The following PARD6G variants were observed in gnomAD, a reference collection of about 807,000 sequenced individuals.
The protein encoded by PARD6G is par-6 family cell polarity regulator gamma.
Under a neutral mutation model 10.7 loss-of-function variants are expected in PARD6G, and 7 were observed. The ratio of observed to expected loss-of-function variants is 0.66; its 90% CI spans 0.37 to 1.23. The LOEUF (loss-of-function observed/expected upper bound fraction) is 1.23. PARD6G is among the 50% of genes most tolerant of loss of function. PARD6G has a pLI of 0.02. For synonymous variants in PARD6G, 287 were observed against 269.4 expected (o/e 1.07, Z -0.64); for missense variants, 548 against 571.8 (o/e 0.96, Z 0.42).
At chr18:80,236,812 AAGG>A (rs1967428865) in intron 1 of PARD6G, among the ~76,000 whole-genome samples, 1 of 152,198 alleles carries the variant, frequency 6.6e-6, no homozygotes, top group South Asian at 2.1e-4. Context: ...GAACTTTTTC[AAGG>A]AGAACTACAA....
rs778855852 is a variant in PARD6G, at chr18:80,160,545, G to A, written c.357C>T (p.Gly119=). Residue 119 remains glycine (G), a synonymous_variant, in exon 3 of 3, where the codon GGC becomes GGT. Coordinates refer to ENST00000353265, the MANE Select transcript of PARD6G (RefSeq NM_032510.4). Reference sequence around the variant, plus strand: ...GCCGGGGTCCTTCATCACGCAGCGCGCCCAGCGCCCGCCTCCGCCTGCACA... The same window carrying A: ...GCCGGGGTCCTTCATCACGCAGCGCACCCAGCGCCCGCCTCCGCCTGCACA... ...GSLCRRRRAL[G]ALRDEGPRRR... The A allele has an allele frequency of 8.0e-6, 12 of 1,491,840 alleles. No individual in the cohort carries two copies. Among genetic ancestry groups the A allele is most frequent in the East Asian group, 7.2e-5 (3 of 41,744 alleles). The allele number at this position is 1,491,840 out of a possible 1,614,324, so 92.4% of individuals were successfully genotyped here.
chr18:80,194,630 T>C (rs373411289), intron 2 of PARD6G, among the ~76,000 whole-genome samples: 2 of 151,988 alleles, frequency 1.3e-5, no homozygotes, highest in Non-Finnish European at 2.9e-5. Context: ...GGGTGAGCTC[T>C]GGACTTTGCA....
At chr18:80,195,448 A>G (rs1371019067) in intron 2 of PARD6G, among the ~76,000 whole-genome samples, 2 of 150,530 alleles carry the variant, frequency 1.3e-5, no homozygotes, top group Non-Finnish European at 3.0e-5. Flanking sequence ...CTCCCCCTGC[A>G]CCTCAGGCCA....
At chr18:80,221,146 C>A (rs1967224110) in intron 1 of PARD6G, among the ~76,000 whole-genome samples, 1 of 152,050 alleles carries the variant, frequency 6.6e-6, no homozygotes, top group Non-Finnish European at 1.5e-5. Context: ...ACAAAGTGTT[C>A]ACAAAATCAA....
Position 80,183,276 on chromosome 18 carries a change from C to T in PARD6G, c.295+19434G>A. The T allele has an allele frequency of 3.0e-6, 2 of 668,638 alleles. No homozygotes were observed. Among genetic ancestry groups the T allele is most frequent in the Non-Finnish European group, 5.5e-6 (2 of 366,592 alleles). The allele number at this position is 668,638 out of a possible 1,614,324, so 41.4% of individuals were successfully genotyped here. On this transcript the variant is annotated intron_variant, in intron 2 of 2. Coordinates refer to ENST00000353265, the MANE Select transcript of PARD6G (RefSeq NM_032510.4). This position sits in a 1 kb window ranked among gnomAD's most constrained non-coding sequence, Gnocchi z 4.5. Reference sequence around the variant, plus strand: ...GGAGAAGAGCAAAGCCGCATACAGGCATAGTGGAAAAGTACGCTGACCTTC... The same window carrying T: ...GGAGAAGAGCAAAGCCGCATACAGGTATAGTGGAAAAGTACGCTGACCTTC...
intron 1 of PARD6G, among the ~76,000 whole-genome samples, chr18:80,217,453 G>A (rs1177147608): frequency 1.3e-5 from 2 of 152,084 alleles, no homozygotes; most frequent in African/African-American, 4.8e-5. Flanking sequence ...ACTCTACAGG[G>A]GAGAAACCGG....
intron 1 of PARD6G, among the ~76,000 whole-genome samples, chr18:80,240,059 CAT>C (rs1422735744): frequency 1.3e-5 from 2 of 152,178 alleles, no homozygotes; most frequent in African/African-American, 4.8e-5. Flanking sequence ...TGCTAGAACT[CAT>C]AGAGCAAGAA....
Position 80,183,174 on chromosome 18 carries a change from T to C in PARD6G, c.295+19536A>G. 1 of 702,554 alleles carries C rather than the reference T, an allele frequency of 1.4e-6. No homozygotes were observed. The allele number at this position is 702,554 out of a possible 1,614,324, so 43.5% of individuals were successfully genotyped here. ...ATCTGCAGGAAAATTAGTGAAGAAG[T>C]GGAGGGCCTTGCAATGTGAAAGGGT... On this transcript the variant is annotated intron_variant, in intron 2 of 2. Transcript: ENST00000353265. The surrounding 1 kb of genome is among the most constrained non-coding windows in gnomAD (Gnocchi z 4.5).
At chr18:80,224,040 T>C (rs961315709) in intron 1 of PARD6G, among the ~76,000 whole-genome samples, 1 of 152,164 alleles carries the variant, frequency 6.6e-6, no homozygotes, top group Non-Finnish European at 1.5e-5. Flanking sequence ...AGAACTTGCC[T>C]TCCCTCACAT....
Position 80,238,501 on chromosome 18 carries a change from A to C in PARD6G, c.72+8776T>G, listed in dbSNP as rs1568445057. ...AAACTTAAAGTATAACAAAAAAAAA[A>C]ACAACTATTTTTTTAACCAAAAGTA... On this transcript the variant is annotated intron_variant, in intron 1 of 2. Coordinates refer to ENST00000353265, the MANE Select transcript of PARD6G (RefSeq NM_032510.4). Among the ~76,000 whole-genome samples, 4 of 152,082 alleles carry C rather than the reference A, an allele frequency of 2.6e-5. No individual in the cohort carries two copies. The East Asian group carries it at 7.7e-4, about 29-fold the overall frequency.
At chr18:80,245,036 G>A (rs922134703) in intron 1 of PARD6G, among the ~76,000 whole-genome samples, 12 of 152,140 alleles carry the variant, frequency 7.9e-5, no homozygotes, top group African/African-American at 1.4e-4. Context: ...AAACTCTGGC[G>A]CTGCCACTCA....
chr18:80,217,934 C>T (rs1005895334), intron 1 of PARD6G, among the ~76,000 whole-genome samples: 1 of 152,130 alleles, frequency 6.6e-6, no homozygotes, highest in Non-Finnish European at 1.5e-5. Context: ...AGTGAAGCGG[C>T]GGGGAGCCCC....
At chr18:80,177,516 A>G (rs900847976) in intron 2 of PARD6G, among the ~76,000 whole-genome samples, 2 of 147,770 alleles carry the variant, frequency 1.4e-5, no homozygotes, top group Non-Finnish European at 3.0e-5. Flanking sequence ...GCACACATGC[A>G]TACGTGCACA....
At chr18:80,207,871 T>C (rs1318776158) in intron 1 of PARD6G, among the ~76,000 whole-genome samples, 3 of 152,100 alleles carry the variant, frequency 2.0e-5, no homozygotes, top group African/African-American at 4.8e-5. Context: ...GAATAAAATA[T>C]TAGGACAAAA....
rs1260307194 is a variant in PARD6G at position 80,183,108 on chromosome 18, T to C, written c.295+19602A>G. 1 of 702,836 alleles carries C rather than the reference T, an allele frequency of 1.4e-6. No homozygotes were observed. Among genetic ancestry groups the C allele is most frequent in the East Asian group, 2.7e-5 (1 of 37,278 alleles). 43.5% of individuals were successfully genotyped at this position (702,836 alleles called of 1,614,324 possible). A position where few individuals can be genotyped will look rare whatever the true frequency, so the allele number is the denominator to read the frequency against. On this transcript the variant is annotated intron_variant, in intron 2 of 2. Coordinates refer to ENST00000353265, the MANE Select transcript of PARD6G (RefSeq NM_032510.4). This position sits in a 1 kb window ranked among gnomAD's most constrained non-coding sequence, Gnocchi z 4.5. Reference sequence around the variant, plus strand: ...GAGAAGTCCCCCTTTCAAACCAAGATTTGAGCTGAAGAGTCAGGTTCCTGG... The same window carrying C: ...GAGAAGTCCCCCTTTCAAACCAAGACTTGAGCTGAAGAGTCAGGTTCCTGG...
intron 2 of PARD6G, among the ~76,000 whole-genome samples, chr18:80,179,729 G>A (rs2052838167): frequency 6.6e-6 from 1 of 152,254 alleles, no homozygotes; most frequent in South Asian, 2.1e-4. Flanking sequence ...AACAAGCACA[G>A]TGGCGGATGC....
intron 2 of PARD6G, among the ~76,000 whole-genome samples, chr18:80,195,770 G>A (rs909886333): frequency 6.6e-6 from 1 of 150,810 alleles, no homozygotes; most frequent in Non-Finnish European, 1.5e-5. Context: ...AGCTACTCAG[G>A]AGGCTGAGGC....
intron 2 of PARD6G, among the ~76,000 whole-genome samples, chr18:80,163,658 G>C (rs2052716103): frequency 6.6e-6 from 1 of 152,222 alleles, no homozygotes; most frequent in Admixed American, 6.5e-5. Context: ...GTGCACGGTG[G>C]ACTGGATTGA....
chr18:80,167,339 C>T (rs546660476), intron 2 of PARD6G, among the ~76,000 whole-genome samples: 35 of 147,460 alleles, frequency 2.4e-4, no homozygotes, highest in Non-Finnish European at 3.7e-4. Flanking sequence ...GGCAGTGTTG[C>T]GTGTGGATGT....
Sources: allele counts gnomAD v4.1 joint callset (sites outside exome capture counted in the v4.1 genomes callset), GRCh38; gene constraint gnomAD v4.1.1; non-coding constraint Gnocchi (gnomAD v3.1); transcripts MANE v1.5; gene names NCBI Gene and HGNC (gene_info 2026-07-23, HGNC 2026-07-21).